The following CCT6B variants were observed in gnomAD, a reference collection of about 807,000 sequenced individuals.
The protein encoded by CCT6B is probable T-complex protein 1 subunit zeta-2.
Under a neutral mutation model 61.5 loss-of-function variants are expected in CCT6B, and 49 were observed. The ratio of observed to expected loss-of-function variants is 0.80; its 90% CI spans 0.63 to 1.01. The LOEUF (loss-of-function observed/expected upper bound fraction) is 1.01, where lower values mean the gene tolerates loss of function less well. CCT6B is among the 50% of genes least tolerant of loss of function. The pLI, the probability that CCT6B is intolerant of heterozygous loss-of-function variation, is 0.00. For synonymous variants in CCT6B, 228 were observed against 214.5 expected (o/e 1.06, Z -0.55); for missense variants, 666 against 634.7 (o/e 1.05, Z -0.53).
intron 12 of CCT6B, among the ~76,000 whole-genome samples, chr17:34,930,723 C>A (rs989385919): frequency 6.6e-6 from 1 of 152,144 alleles, no homozygotes; most frequent in Non-Finnish European, 1.5e-5. Flanking sequence ...CTCCCAGGGG[C>A]AGATATTTTT....
intron 2 of CCT6B, 57 bp downstream of exon 2, chr17:34,959,530 A>T: frequency 8.3e-7 from 1 of 1,208,994 alleles, no homozygotes; most frequent in Non-Finnish European, 1.2e-6. Flanking sequence ...CACAAGTTCT[A>T]CTATGCTTCT....
At chr17:34,945,291 G>A (rs898773986) in intron 5 of CCT6B, among the ~76,000 whole-genome samples, 1 of 152,154 alleles carries the variant, frequency 6.6e-6, no homozygotes, top group African/African-American at 2.4e-5. Flanking sequence ...CCTCTATTCT[G>A]AATTCGAGAC....
chr17:34,956,296 T>C (rs1263304153), intron 3 of CCT6B, among the ~76,000 whole-genome samples: 1 of 152,208 alleles, frequency 6.6e-6, no homozygotes, highest in Non-Finnish European at 1.5e-5. Flanking sequence ...ATGTTGTTCC[T>C]TCTGCCTGGA....
intron 7 of CCT6B, among the ~76,000 whole-genome samples, chr17:34,941,553 C>A (rs2090163944): frequency 6.6e-6 from 1 of 152,178 alleles, no homozygotes; most frequent in Admixed American, 6.5e-5. Context: ...TTATTGACAA[C>A]AAATACTGTC....
chr17:34,927,890 T>A lies in CCT6B; in HGVS notation c.*158A>T. The stretch of plus-strand genomic sequence containing the variant: ...CTGTAAAAGTATTTATTGTGTTCTT[T>A]ATACCTTGATGAAATATTTTTGAGA... On this transcript the variant is annotated 3_prime_UTR_variant, in exon 14 of 14. Transcript: ENST00000314144. 1 of 512,690 alleles carries A rather than the reference T, an allele frequency of 2.0e-6. No individual in the cohort carries two copies. The highest frequency in any genetic ancestry group is 3.3e-5 in the East Asian group (1 of 30,688). 31.8% of individuals were successfully genotyped at this position (512,690 alleles called of 1,614,324 possible).
At chr17:34,939,117 G>GTA (rs753278216) in intron 10 of CCT6B, 66 bp downstream of exon 10, 224 of 1,222,086 alleles carry the variant, frequency 1.8e-4, no homozygotes, top group East Asian at 2.6e-4. Context: ...AGGTGTGTGT[G>GTA]TATATATATA....
intron 5 of CCT6B, among the ~76,000 whole-genome samples, chr17:34,948,224 A>G (rs1352381511): frequency 6.6e-6 from 1 of 152,112 alleles, no homozygotes; most frequent in African/African-American, 2.4e-5. Flanking sequence ...CGGGGTCCCC[A>G]AAGTCCACTG....
intron 2 of CCT6B, among the ~76,000 whole-genome samples, chr17:34,959,317 A>C (rs556024766): frequency 1.7e-4 from 23 of 138,322 alleles, no homozygotes; most frequent in African/African-American, 6.2e-4. Context: ...TTTTTTGTAG[A>C]GACGGTTTTC....
intron 5 of CCT6B, 40 bp from the exon 6 acceptor site, chr17:34,942,946 T>A (rs1413499803): frequency 8.7e-7 from 1 of 1,148,182 alleles, no homozygotes; most frequent in African/African-American, 1.6e-5. Flanking sequence ...GAATATATAC[T>A]CTAAAATTTG....
intron 5 of CCT6B, 109 bp downstream of exon 5, chr17:34,951,841 A>G: frequency 1.8e-6 from 1 of 545,198 alleles, no homozygotes; most frequent in East Asian, 3.1e-5. Flanking sequence ...GACTTAATAT[A>G]TGGTGAATGA....
intron 5 of CCT6B, among the ~76,000 whole-genome samples, chr17:34,945,279 G>A (rs188155335): frequency 6.6e-6 from 1 of 152,136 alleles, no homozygotes; most frequent in Non-Finnish European, 1.5e-5. Flanking sequence ...TTCTAGTGCA[G>A]ACCTCTATTC....
At chr17:34,933,489 C>A (rs546667153) in intron 10 of CCT6B, among the ~76,000 whole-genome samples, 15 of 152,258 alleles carry the variant, frequency 9.9e-5, no homozygotes, top group African/African-American at 3.1e-4. Context: ...ACAACATAAC[C>A]GCTCAAAGAG....
At chr17:34,960,970 TG>T (rs1207636011) in intron 1 of CCT6B, among the ~76,000 whole-genome samples, 2 of 152,250 alleles carry the variant, frequency 1.3e-5, no homozygotes, top group Non-Finnish European at 2.9e-5. Flanking sequence ...TTAAATGCTT[TG>T]TTTCCAATGA....
At chr17:34,954,698 T>G in intron 3 of CCT6B, 99 bp from the exon 4 acceptor site, 1 of 882,860 alleles carries the variant, frequency 1.1e-6, no homozygotes. Flanking sequence ...GTTACTCACA[T>G]TAATGCCATG....
intron 3 of CCT6B, among the ~76,000 whole-genome samples, chr17:34,957,212 T>C (rs2090358086): frequency 6.9e-6 from 1 of 145,318 alleles, no homozygotes; most frequent in African/African-American, 2.6e-5. Context: ...TGGCACAATC[T>C]TGGCTCACTG....
chr17:34,949,530 G>GAAGGAGGGAGGGAGGGAGGGA (rs1405027671), intron 5 of CCT6B: 1 of 150,662 alleles, frequency 6.6e-6, no homozygotes, highest in African/African-American at 2.4e-5. Context: ...GGAGGGAAAG[G>GAAGGAGGGAGGGAGGGAGGGA]AAGGAAGGAA....
intron 10 of CCT6B, among the ~76,000 whole-genome samples, chr17:34,933,870 T>G (rs1185870285): frequency 6.6e-6 from 1 of 152,152 alleles, no homozygotes; most frequent in Non-Finnish European, 1.5e-5. Context: ...GGCTCGCTCC[T>G]ATAATCCCAG....
At position 34,961,416 on chromosome 17, in the gene CCT6B, A is replaced by G. The variant is rs775540777; in HGVS notation, c.-23T>C. On this transcript the variant is annotated 5_prime_UTR_variant, in exon 1 of 14. Transcript: ENST00000314144. ...CATAGCCTAACCGTTCAGAGGGAGA[A>G]AAAAAAAAAGCCTTAGTCGCGATTC... is the stretch of plus-strand genomic sequence containing the variant. The G allele has an allele frequency of 1.3e-5, 19 of 1,510,398 alleles. No homozygotes were observed. Among genetic ancestry groups the G allele is most frequent in the Non-Finnish European group, 1.6e-5 (18 of 1,119,106 alleles). The allele number at this position is 1,510,398 out of a possible 1,614,324, so 93.6% of individuals were successfully genotyped here.
At chr17:34,930,255 T>C (rs1376153335) in intron 12 of CCT6B, among the ~76,000 whole-genome samples, 1 of 152,172 alleles carries the variant, frequency 6.6e-6, no homozygotes, top group African/African-American at 2.4e-5. Flanking sequence ...GCATGGGTGA[T>C]AGAACGAGAC....
Sources: gnomAD v4.1 joint callset for allele counts (sites outside exome capture counted in the v4.1 genomes callset) on GRCh38, gnomAD v4.1.1 for gene constraint, MANE v1.5 for transcripts, NCBI Gene and HGNC (gene_info 2026-07-23, HGNC 2026-07-21) for gene names.